Variants in NALCN observed in about 807,000 individuals in gnomAD.
NALCN encodes the protein sodium leak channel NALCN.
A neutral mutation model predicts 225.3 loss-of-function variants in NALCN; 111 were observed. The ratio of observed to expected loss-of-function variants is 0.49; its 90% CI spans 0.42 to 0.58. NALCN has a LOEUF of 0.58. Among genes scored for constraint, NALCN ranks in the 20% least tolerant of loss-of-function variants. The probability of loss-of-function intolerance (pLI) is 0.00; values close to 1 mark genes in which losing one functional copy is unlikely to be tolerated. For missense variants in NALCN, 1,378 were observed against 2,202.4 expected (o/e 0.63, Z 7.49); for synonymous variants, 764 against 769.0 (o/e 0.99, Z 0.11).
intron 1 of NALCN, among the ~76,000 whole-genome samples, chr13:101,415,588 A>C (rs990307561): frequency 6.6e-6 from 1 of 152,252 alleles, no homozygotes; most frequent in African/African-American, 2.4e-5. Context: ...GAGGGATCCC[A>C]GCCAGGCCAT....
chr13:101,107,160 C>T (rs2139629724), intron 22 of NALCN, among the ~76,000 whole-genome samples: 1 of 152,292 alleles, frequency 6.6e-6, no homozygotes, highest in Middle Eastern at 3.4e-3. Context: ...TCACCATGTC[C>T]TTTAGTCTCC....
intron 12 of NALCN, among the ~76,000 whole-genome samples, chr13:101,236,766 G>C: frequency 7.9e-6 from 1 of 126,374 alleles, no homozygotes; most frequent in East Asian, 2.8e-4. Context: ...GCCTGTTGTG[G>C]GGTGGGGGGA....
intron 3 of NALCN, among the ~76,000 whole-genome samples, chr13:101,383,969 G>A (rs903554793): frequency 1.2e-4 from 19 of 152,100 alleles, no homozygotes; most frequent in Non-Finnish European, 2.6e-4. Context: ...TTTTAAATAA[G>A]TAGAATGCAG....
At chr13:101,148,092 G>C (rs573092009) in intron 15 of NALCN, among the ~76,000 whole-genome samples, 5 of 151,956 alleles carry the variant, frequency 3.3e-5, no homozygotes, top group Admixed American at 6.6e-5. Flanking sequence ...AATTTCTTAC[G>C]GGTCAATTGA....
intron 18 of NALCN, among the ~76,000 whole-genome samples, chr13:101,111,810 C>T (rs892320527): frequency 6.6e-6 from 1 of 152,148 alleles, no homozygotes. Flanking sequence ...TCTCCAGCCA[C>T]GTGGAACTGT....
At chr13:101,381,570 T>C (rs1420415211) in intron 3 of NALCN, among the ~76,000 whole-genome samples, 2 of 152,136 alleles carry the variant, frequency 1.3e-5, no homozygotes, top group African/African-American at 2.4e-5. Context: ...AGATGAATTA[T>C]TTAAAGTTGT....
intron 7 of NALCN, among the ~76,000 whole-genome samples, chr13:101,339,288 A>G (rs942034761): frequency 6.6e-5 from 10 of 152,122 alleles, no homozygotes; most frequent in African/African-American, 1.9e-4. Flanking sequence ...CGGAATCTCA[A>G]TGTCTGCTAA....
intron 10 of NALCN, among the ~76,000 whole-genome samples, chr13:101,275,847 C>T (rs1002037494): frequency 2.0e-5 from 3 of 151,946 alleles, no homozygotes; most frequent in Admixed American, 6.6e-5. Context: ...AGGCAGATCA[C>T]GAGGTCAGAA....
rs575157745 is a variant in NALCN, at chr13:101,386,478, G to C, written c.292-7825C>G. Among the ~76,000 whole-genome samples the C allele has an allele frequency of 2.4e-4, 36 of 152,060 alleles. 1 individual carries two copies. The South Asian group carries it at 5.6e-3, about 24-fold the overall frequency. On this transcript the variant is annotated intron_variant, in intron 3 of 43. Transcript: ENST00000251127. Reference sequence around the variant, plus strand: ...TGTAAGTGTTCAATAAATGGTTGCTGGATGACTAAAGGAAAACTTGGAAAC... The same window carrying C: ...TGTAAGTGTTCAATAAATGGTTGCTCGATGACTAAAGGAAAACTTGGAAAC...
chr13:101,143,017 C>G (rs1012088439), intron 17 of NALCN, 63 bp downstream of exon 17: 1 of 1,587,638 alleles, frequency 6.3e-7, no homozygotes, highest in South Asian at 1.1e-5. Context: ...AAGAACTCTG[C>G]GGTTCTTTTC....
At chr13:101,391,664 C>T (rs2047148407) in intron 3 of NALCN, among the ~76,000 whole-genome samples, 1 of 151,288 alleles carries the variant, frequency 6.6e-6, no homozygotes, top group Non-Finnish European at 1.5e-5. Context: ...GCCTGGGCAA[C>T]AGAGCAAGAT....
Position 101,222,301 on chromosome 13 carries a change from G to T in NALCN, c.1626+7092C>A, listed in dbSNP as rs146855046. Reference sequence around the variant, plus strand: ...CTACAAGATATGGTCAGCCATAGGCGCTCACCCCCATCTCATCCTCTCATA... The same window carrying T: ...CTACAAGATATGGTCAGCCATAGGCTCTCACCCCCATCTCATCCTCTCATA... On this transcript the variant is annotated intron_variant, in intron 13 of 43. Coordinates refer to ENST00000251127, the MANE Select transcript of NALCN (RefSeq NM_052867.4). 8.4e-4 allele frequency among the ~76,000 whole-genome samples: 128 copies of T among 152,032 alleles called. 1 individual carries two copies. Among genetic ancestry groups the T allele is most frequent in the East Asian group, 5.0e-3 (26 of 5,170 alleles).
intron 14 of NALCN, among the ~76,000 whole-genome samples, chr13:101,184,654 T>A (rs1594386837): frequency 6.6e-6 from 1 of 152,348 alleles, no homozygotes; most frequent in Middle Eastern, 3.4e-3. Flanking sequence ...CAACATAATG[T>A]AGTTCTCATT....
intron 6 of NALCN, among the ~76,000 whole-genome samples, chr13:101,373,300 T>A (rs928589579): frequency 6.6e-6 from 1 of 152,186 alleles, no homozygotes; most frequent in African/African-American, 2.4e-5. Context: ...ATGTTCCACT[T>A]GTTTTATGAG....
chr13:101,416,613 C>T (rs566150760), upstream of NALCN: 65 of 152,330 alleles, frequency 4.3e-4, no homozygotes, highest in African/African-American at 1.5e-3. Context: ...AGCTTTGCTA[C>T]AGGGACTGCA....
intron 7 of NALCN, among the ~76,000 whole-genome samples, chr13:101,307,292 C>T (rs1464374164): frequency 6.6e-6 from 1 of 152,200 alleles, no homozygotes. Flanking sequence ...AAACCCAGAA[C>T]AGTCATAACT....
intron 17 of NALCN, among the ~76,000 whole-genome samples, chr13:101,130,750 T>C (rs2139728263): frequency 6.6e-6 from 1 of 152,344 alleles, no homozygotes; most frequent in East Asian, 1.9e-4. Context: ...AATCACTTGT[T>C]CTTATTTGGG....
At chr13:101,094,308 C>T (rs2034390144) in intron 28 of NALCN, among the ~76,000 whole-genome samples, 1 of 152,102 alleles carries the variant, frequency 6.6e-6, no homozygotes, top group South Asian at 2.1e-4. Context: ...TTGCCCTGCC[C>T]ATCTCTGACG....
In NALCN at chr13:101,260,949, A is replaced by G. The variant is rs186256165; in HGVS notation, c.1135-2375T>C. Among the ~76,000 whole-genome samples, 114 of 152,312 alleles carry G rather than the reference A, an allele frequency of 7.5e-4. 2 individuals are homozygous for G. Among genetic ancestry groups the G allele is most frequent in the African/African-American group, 2.6e-3 (108 of 41,584 alleles). ...GGTATTGCTCATAAAATCTTTGCCCAGTCCAATGTCCTGGAGATTTTCCCC... is the reference window on the plus strand; with the variant it reads ...GGTATTGCTCATAAAATCTTTGCCCGGTCCAATGTCCTGGAGATTTTCCCC... On this transcript the variant is annotated intron_variant, in intron 10 of 43. Transcript: ENST00000251127.
Sources: allele counts gnomAD v4.1 joint callset (sites outside exome capture counted in the v4.1 genomes callset), GRCh38; gene constraint gnomAD v4.1.1; transcripts MANE v1.5; gene names NCBI Gene and HGNC (gene_info 2026-07-23, HGNC 2026-07-21).